Variants in UBXN11 observed in about 807,000 individuals in gnomAD.
The protein encoded by UBXN11 is UBX domain protein 11.
A neutral mutation model predicts 62.8 loss-of-function variants in UBXN11; 47 were observed. The ratio of observed to expected loss-of-function variants is 0.75; its 90% CI spans 0.59 to 0.95. The LOEUF (loss-of-function observed/expected upper bound fraction) is 0.95, where lower values mean the gene tolerates loss of function less well. UBXN11 is among the 40% of genes least tolerant of loss of function. The probability of loss-of-function intolerance (pLI) is 0.00; values close to 1 mark genes in which losing one functional copy is unlikely to be tolerated. For synonymous variants in UBXN11, 294 were observed against 267.0 expected, an observed-to-expected ratio of 1.10 and a Z score of -0.99; for missense variants, 638 against 661.7, an observed-to-expected ratio of 0.96 and a Z score of 0.39.
At chr1:26,304,372 T>G (rs543639969) in intron 1 of UBXN11, among the ~76,000 whole-genome samples, 1 of 152,326 alleles carries the variant, frequency 6.6e-6, no homozygotes, top group South Asian at 2.1e-4. Context: ...AGTTCCCATG[T>G]GCTACCAGAG....
chr1:26,299,949 C>T (rs975588107), intron 4 of UBXN11, among the ~76,000 whole-genome samples: 21 of 151,440 alleles, frequency 1.4e-4, no homozygotes, highest in Admixed American at 3.9e-4. Context: ...GAGCCATGAT[C>T]GCACCACTGC....
rs373736849 is a variant in UBXN11 at position 26,295,573 on chromosome 1, G to A, written c.433-1242C>T. On this transcript the variant is annotated intron_variant, in intron 7 of 14. Transcript: ENST00000374222. The stretch of plus-strand genomic sequence containing the variant: ...TCCTTCCTCCACACAGCCACCGACC[G>A]CAAGCCAAGTTATGTGGCGGGAAGT... Among the ~76,000 whole-genome samples the A allele has an allele frequency of 1.1e-3, 164 of 152,154 alleles. 1 individual carries two copies. Among genetic ancestry groups the A allele is most frequent in the African/African-American group, 3.8e-3 (158 of 41,532 alleles).
At chr1:26,295,441 G>A (rs2073369155) in intron 7 of UBXN11, among the ~76,000 whole-genome samples, 1 of 152,166 alleles carries the variant, frequency 6.6e-6, no homozygotes, top group Admixed American at 6.5e-5. Context: ...CTCTCAAACA[G>A]AAGCCTTCCA....
intron 1 of UBXN11, among the ~76,000 whole-genome samples, chr1:26,313,386 C>T: frequency 6.6e-6 from 1 of 152,228 alleles, no homozygotes; most frequent in Admixed American, 6.5e-5. Flanking sequence ...GTGGTCTTTC[C>T]TGACCACTGA....
intron 10 of UBXN11, 184 bp from the exon 11 acceptor site, chr1:26,284,666 G>A: frequency 7.3e-7 from 1 of 1,363,946 alleles, no homozygotes; most frequent in Non-Finnish European, 9.5e-7. Context: ...CCTCAGCCCT[G>A]CTGCTCCTGT....
At chr1:26,285,741 G>C in intron 9 of UBXN11, 82 bp downstream of exon 9, 2 of 1,500,828 alleles carry the variant, frequency 1.3e-6, no homozygotes, top group Non-Finnish European at 1.8e-6. Context: ...GGCTGGGCCT[G>C]GGGTGAGCTG....
At chr1:26,310,633 C>T (rs2073732290), upstream of UBXN11, among the ~76,000 whole-genome samples, 1 of 149,418 alleles carries the variant, frequency 6.7e-6, no homozygotes, top group South Asian at 2.1e-4. Flanking sequence ...GAGGCTAAGG[C>T]AGGAGAATTG....
rs183517774 is a variant in UBXN11 at position 26,283,049 on chromosome 1, G to C, written c.1078-112C>G. The C allele has an allele frequency of 3.9e-5, 54 of 1,369,498 alleles. No homozygotes were observed. The African/African-American group carries it at 6.6e-4, about 17-fold the overall frequency. 84.8% of individuals were successfully genotyped at this position (1,369,498 alleles called of 1,614,324 possible). The stretch of plus-strand genomic sequence containing the variant: ...GGGACAGATGAGACCAGTGAGCAAA[G>C]CGGGAGGGGGTGTTCTGTATAAACC... On this transcript the variant is annotated intron_variant, in intron 12 of 14. Transcript: ENST00000374222.
intron 9 of UBXN11, 115 bp downstream of exon 9, chr1:26,285,708 G>C: frequency 7.0e-7 from 1 of 1,419,902 alleles, no homozygotes; most frequent in Non-Finnish European, 9.4e-7. Context: ...TCGTGTGTGG[G>C]CCTGGGTGCC....
chr1:26,301,480 T>A (rs1311599741), intron 3 of UBXN11, among the ~76,000 whole-genome samples: 2 of 152,112 alleles, frequency 1.3e-5, no homozygotes, highest in Admixed American at 6.5e-5. Flanking sequence ...AGTGGCAACA[T>A]CTGTGCCAAG....
intron 7 of UBXN11, among the ~76,000 whole-genome samples, chr1:26,295,105 G>A (rs12068388): frequency 0.53 from 79,899 of 151,848 alleles, 22,360 homozygotes; most frequent in Non-Finnish European, 0.64. Context: ...ATTTCCAACC[G>A]TCCACACTTG....
At chr1:26,310,157 T>C (rs2073726289), upstream of UBXN11, among the ~76,000 whole-genome samples, 1 of 152,158 alleles carries the variant, frequency 6.6e-6, no homozygotes, top group African/African-American at 2.4e-5. Context: ...TCCCAACATT[T>C]TGGGAGGCCG....
chr1:26,285,013 G>T (rs1160023446), intron 10 of UBXN11: 1 of 1,002,518 alleles, frequency 1.0e-6, no homozygotes, highest in African/African-American at 1.7e-5. Context: ...AAGCCTCATG[G>T]GCTCTGGTGG....
At chr1:26,314,269 G>A (rs760147446) in intron 1 of UBXN11, among the ~76,000 whole-genome samples, 1 of 152,068 alleles carries the variant, frequency 6.6e-6, no homozygotes, top group Non-Finnish European at 1.5e-5. Flanking sequence ...TTTGAGGGTT[G>A]GGCTGTTGTT....
intron 10 of UBXN11, chr1:26,284,877 G>GC: frequency 9.9e-7 from 1 of 1,011,538 alleles, no homozygotes; most frequent in Non-Finnish European, 1.2e-6. Flanking sequence ...CGAGGTCCCC[G>GC]CTGTGGCACG....
At chr1:26,283,180 A>G (rs934612774) in intron 12 of UBXN11, among the ~76,000 whole-genome samples, 1 of 152,094 alleles carries the variant, frequency 6.6e-6, no homozygotes, top group Non-Finnish European at 1.5e-5. Context: ...AGAACCCCAC[A>G]CAGACGATGA....
chr1:26,312,804 C>T (rs1017348560), intron 1 of UBXN11, among the ~76,000 whole-genome samples: 18 of 150,120 alleles, frequency 1.2e-4, no homozygotes, highest in Non-Finnish European at 2.4e-4. Flanking sequence ...ATGGAGAAAC[C>T]CTGTCTCTAC....
In UBXN11 at chr1:26,284,147, A is replaced by G; in HGVS notation, c.1072T>C (p.Leu358=). ...IDIRGPIRDT[L]QNCCPLPARI... ...GGAGTTAGCATTGGCCTCACCTGCA[A>G]GGTGTCCCTGATGGGGCCCCGGATG... Residue 358 remains leucine, a synonymous_variant, in exon 12 of 15, where the codon TTG becomes CTG. Transcript: ENST00000374222. 6.2e-7 allele frequency: 1 copy of G among 1,608,592 alleles called. No homozygotes were observed. Among genetic ancestry groups the G allele is most frequent in the Non-Finnish European group, 8.5e-7 (1 of 1,177,092 alleles).
intron 8 of UBXN11, among the ~76,000 whole-genome samples, 193 bp downstream of exon 8, chr1:26,294,012 A>C (rs1301183021): frequency 6.6e-6 from 1 of 152,180 alleles, no homozygotes; most frequent in Non-Finnish European, 1.5e-5. Flanking sequence ...GAAGTGGGCC[A>C]GCAGGTTAAG....
Sources: allele counts gnomAD v4.1 joint callset (sites outside exome capture counted in the v4.1 genomes callset), GRCh38; gene constraint gnomAD v4.1.1; transcripts MANE v1.5; gene names NCBI Gene and HGNC (gene_info 2026-07-23, HGNC 2026-07-21).